ADCY9: variants seen among roughly 807,000 people sequenced by gnomAD.
ADCY9 encodes the protein adenylate cyclase 9, also known as adenylate cyclase type 9.
A neutral mutation model predicts 101.5 loss-of-function variants in ADCY9; 50 were observed. That is an observed-to-expected ratio of 0.49 (90% CI 0.39 to 0.62). ADCY9 has a LOEUF of 0.62. ADCY9 is among the 20% of genes least tolerant of loss of function. ADCY9 has a pLI of 0.00. For missense variants in ADCY9, 1,662 were observed against 1,800.4 expected, an observed-to-expected ratio of 0.92 and a Z score of 1.39; for synonymous variants, 905 against 769.3, an observed-to-expected ratio of 1.18 and a Z score of -2.92.
At chr16:3,991,666 CAGG>C (rs2056244640) in intron 5 of ADCY9, among the ~76,000 whole-genome samples, 1 of 148,712 alleles carries the variant, frequency 6.7e-6, no homozygotes, top group African/African-American at 2.5e-5. Flanking sequence ...GAGACCTAGG[CAGG>C]AGAATTACTT....
At chr16:4,109,820 G>T (rs1483072730) in intron 2 of ADCY9, among the ~76,000 whole-genome samples, 1 of 152,156 alleles carries the variant, frequency 6.6e-6, no homozygotes, top group African/African-American at 2.4e-5. Flanking sequence ...CACTAGCTCT[G>T]AAAGAGTGAA....
chr16:3,966,567 C>T lies in ADCY9; in HGVS notation c.3270G>A (p.Gly1090=), dbSNP rs2055998587. Residue 1090 remains glycine (G), a synonymous_variant, in exon 11 of 11, where the codon GGG becomes GGA. Coordinates refer to ENST00000294016, the MANE Select transcript of ADCY9 (RefSeq NM_001116.4). ...ECYRVLNELI[G]DFDELLSKPD... The stretch of plus-strand genomic sequence containing the variant: ...GCTTGCTTAGGAGCTCGTCAAAGTC[C>T]CCGATGAGCTCGTTGAGGACCCGGT... The T allele has an allele frequency of 6.2e-7, 1 of 1,614,176 alleles. No individual in the cohort carries two copies. The highest frequency in any genetic ancestry group is 8.5e-7 in the Non-Finnish European group (1 of 1,180,034).
In ADCY9 at chr16:4,114,701, GAC is replaced by G; in HGVS notation, c.740_741del (p.Cys247SerfsTer19). 8.7e-6 allele frequency: 14 copies of G among 1,613,176 alleles called. No homozygotes were observed. The highest frequency in any genetic ancestry group is 1.2e-5 in the Non-Finnish European group (14 of 1,180,048). ...VMHLPLYLSL[C>X]LGVAYSVLFE... is the part of the protein sequence containing the mutation. The stretch of plus-strand genomic sequence containing the variant: ...AAAAGGACAGAGTAGGCCACCCCCA[GAC>G]ACAAACTCAGGTACAAAGGTAAGTG... On this transcript the variant is annotated frameshift_variant, in exon 2 of 11. Coordinates refer to ENST00000294016, the MANE Select transcript of ADCY9 (RefSeq NM_001116.4). LOFTEE classifies it high-confidence loss of function. The surrounding 1 kb of genome is among the most constrained non-coding windows in gnomAD (Gnocchi z 4.3).
intron 3 of ADCY9, among the ~76,000 whole-genome samples, chr16:4,002,684 A>G (rs2056339195): frequency 6.6e-6 from 1 of 152,234 alleles, no homozygotes; most frequent in Non-Finnish European, 1.5e-5. Flanking sequence ...TTCCCTGATC[A>G]GAAGTAATGT....
chr16:3,962,086 C>T (rs901325452), downstream of ADCY9, among the ~76,000 whole-genome samples: 1 of 152,048 alleles, frequency 6.6e-6, no homozygotes, highest in African/African-American at 2.4e-5. Context: ...GGAAGGGGCT[C>T]TAACCCCTGG....
chr16:4,007,742 C>T (rs541507566), intron 2 of ADCY9, among the ~76,000 whole-genome samples, 184 bp from the exon 3 acceptor site: 11 of 152,112 alleles, frequency 7.2e-5, no homozygotes, highest in African/African-American at 2.7e-4. Context: ...TCAGGGAGAC[C>T]GTGGGCCCCC....
At chr16:3,976,529 G>A (rs893826928) in intron 9 of ADCY9, among the ~76,000 whole-genome samples, 1 of 152,166 alleles carries the variant, frequency 6.6e-6, no homozygotes, top group African/African-American at 2.4e-5. Context: ...GCACCTACCA[G>A]TGATACGGTT....
chr16:4,100,179 C>T (rs1312612068), intron 2 of ADCY9, among the ~76,000 whole-genome samples: 1 of 152,004 alleles, frequency 6.6e-6, no homozygotes, highest in Admixed American at 6.6e-5. Flanking sequence ...CTCTCTCACT[C>T]TCTCTCTCTC....
At position 4,067,414 on chromosome 16, in the gene ADCY9, C is replaced by T. The variant is rs180982811; in HGVS notation, c.1693+46336G>A. Among the ~76,000 whole-genome samples, 229 of 152,300 alleles carry T rather than the reference C, an allele frequency of 1.5e-3. 1 individual carries two copies. Among genetic ancestry groups the T allele is most frequent in the African/African-American group, 5.2e-3 (217 of 41,564 alleles). On this transcript the variant is annotated intron_variant, in intron 2 of 10. Transcript: ENST00000294016. ...GAGCAAGTTCCTTCCCTTCCCCAGG[C>T]TTCTAACAGTGAACATGATCTGGCA...
chr16:3,977,006 A>G (rs2056097974), intron 9 of ADCY9, among the ~76,000 whole-genome samples: 1 of 152,174 alleles, frequency 6.6e-6, no homozygotes, highest in Admixed American at 6.5e-5. Context: ...AGATCATCCT[A>G]CGTCTTCACC....
rs1316894899 is a variant in ADCY9, at chr16:4,114,581, G to C, written c.862C>G (p.His288Asp). 1 of 1,613,836 alleles carries C rather than the reference G, an allele frequency of 6.2e-7. No homozygotes were observed. The highest frequency in any genetic ancestry group is 8.5e-7 in the Non-Finnish European group (1 of 1,180,046). The change falls in exon 2 of 11, where the codon CAC becomes GAC. Residue 288 changes from histidine to aspartate, a missense_variant. This residue lies in a region of ADCY9 where 422 missense variants were observed against 392.0 expected (regional missense o/e 1.08). Transcript: ENST00000294016. The surrounding 1 kb of genome is among the most constrained non-coding windows in gnomAD (Gnocchi z 4.3). ...HWELLSRGLL[H>D]GCIHAIGVHL... The stretch of plus-strand genomic sequence containing the variant: ...ACCCCGATGGCGTGGATGCAGCCGT[G>C]GAGCAGCCCCCTGCTCAGCAGCTCC...
In ADCY9 at chr16:4,011,079, C is replaced by T. The variant is rs114938727; in HGVS notation, c.1694-3521G>A. 8.2e-3 allele frequency among the ~76,000 whole-genome samples: 1,251 copies of T among 152,174 alleles called. 13 individuals are homozygous for T. Among genetic ancestry groups the T allele is most frequent in the African/African-American group, 0.029 (1,193 of 41,504 alleles). On this transcript the variant is annotated intron_variant, in intron 2 of 10. Transcript: ENST00000294016. ...TTATTGCTTCACAAGCAGATGGAGA[C>T]GGACGGATCAGCACCCTCCACACGG...
At chr16:3,956,451 T>C (rs576237273) in intron 5 of ADCY9, among the ~76,000 whole-genome samples, 1 of 145,128 alleles carries the variant, frequency 6.9e-6, no homozygotes, top group Non-Finnish European at 1.5e-5. Flanking sequence ...TCTGTTTCTG[T>C]TAAACAGCAG....
intron 2 of ADCY9, among the ~76,000 whole-genome samples, chr16:4,018,951 T>TTTGTGTGTGTGTGTGTGTGTGTG (rs1555509531): frequency 1.4e-5 from 2 of 138,834 alleles, no homozygotes; most frequent in Non-Finnish European, 3.1e-5. Context: ...AGAATCGCAG[T>TTTGTGTGTGTGTGTGTGTGTGTG]TGTGTGTGTG....
At chr16:4,110,816 T>C (rs1189338193) in intron 2 of ADCY9, among the ~76,000 whole-genome samples, 1 of 152,192 alleles carries the variant, frequency 6.6e-6, no homozygotes, top group East Asian at 1.9e-4. Context: ...ACTCCGGGTG[T>C]GGCCATGGCG....
chr16:3,980,983 C>T (rs1370060929), intron 7 of ADCY9, among the ~76,000 whole-genome samples: 3 of 152,176 alleles, frequency 2.0e-5, no homozygotes, highest in Non-Finnish European at 2.9e-5. Flanking sequence ...TGAGGAGGCG[C>T]CTGGCTTTCC....
intron 3 of ADCY9, among the ~76,000 whole-genome samples, chr16:4,001,379 C>G (rs11647778): frequency 0.43 from 65,689 of 152,016 alleles, 16,080 homozygotes; most frequent in East Asian, 0.55. Context: ...TTTCTCAGAG[C>G]AGACTGAGGT....
In ADCY9 at chr16:3,969,383, G is replaced by A. The variant is rs1344008650; in HGVS notation, c.2871-2417C>T. Among the ~76,000 whole-genome samples the A allele has an allele frequency of 2.7e-5, 4 of 150,102 alleles. No homozygotes were observed. The Admixed American group carries it at 2.7e-4, about 10-fold the overall frequency. Reference sequence around the variant, plus strand: ...CGGCCCAGCCTCCTGAGTAGTGTGCGCCACCAGGCCCAGCTAATTTTTGTA... The same window carrying A: ...CGGCCCAGCCTCCTGAGTAGTGTGCACCACCAGGCCCAGCTAATTTTTGTA... On this transcript the variant is annotated intron_variant, in intron 10 of 10. Transcript: ENST00000294016.
chr16:3,969,946 A>G (rs4785944), intron 10 of ADCY9, among the ~76,000 whole-genome samples: 1 of 152,126 alleles, frequency 6.6e-6, no homozygotes, highest in East Asian at 1.9e-4. Flanking sequence ...AAAAAAATAG[A>G]CAAAAAAGAT....
Sources: gnomAD v4.1 joint callset for allele counts (sites outside exome capture counted in the v4.1 genomes callset) on GRCh38, gnomAD v4.1.1 for gene constraint, gnomAD v4.1.1 regional missense constraint, Gnocchi (gnomAD v3.1) non-coding constraint, MANE v1.5 for transcripts, NCBI Gene and HGNC (gene_info 2026-07-23, HGNC 2026-07-21) for gene names.